Variants in PLXDC2 observed in about 807,000 individuals in gnomAD.
The protein encoded by PLXDC2 is plexin domain containing 2, also known as plexin domain-containing protein 2.
In PLXDC2, 40 loss-of-function variants were observed where a neutral mutation model predicts 68.9. That is an observed-to-expected ratio of 0.58 (90% CI 0.45 to 0.76). PLXDC2 has a LOEUF of 0.76. PLXDC2 is among the 30% of genes least tolerant of loss of function. The pLI, the probability that PLXDC2 is intolerant of heterozygous loss-of-function variation, is 0.00. For synonymous variants in PLXDC2, 243 were observed against 234.2 expected (o/e 1.04, Z -0.34); for missense variants, 644 against 661.9 (o/e 0.97, Z 0.30).
chr10:20,183,613 T>G (rs1834636707), intron 9 of PLXDC2, among the ~76,000 whole-genome samples: 1 of 151,958 alleles, frequency 6.6e-6, no homozygotes, highest in African/African-American at 2.4e-5. Context: ...AAACATAAGC[T>G]CTTCTAAGGA....
At chr10:19,840,163 A>G (rs1208290586) in intron 1 of PLXDC2, among the ~76,000 whole-genome samples, 2 of 152,148 alleles carry the variant, frequency 1.3e-5, no homozygotes, top group African/African-American at 2.4e-5. Context: ...TTTTGGATTG[A>G]CAGTTAATAT....
intron 4 of PLXDC2, among the ~76,000 whole-genome samples, chr10:20,137,794 T>A (rs1324697134): frequency 6.6e-6 from 1 of 152,240 alleles, no homozygotes; most frequent in Non-Finnish European, 1.5e-5. Context: ...TCGCACGTTC[T>A]CCCCATGTCT....
intron 6 of PLXDC2, among the ~76,000 whole-genome samples, chr10:20,149,665 T>C (rs1834126920): frequency 6.6e-6 from 1 of 152,142 alleles, no homozygotes; most frequent in African/African-American, 2.4e-5. Flanking sequence ...AGTGAGAACA[T>C]TTGGTATTTG....
intron 3 of PLXDC2, among the ~76,000 whole-genome samples, chr10:20,056,509 T>G (rs1478614750): frequency 2.0e-5 from 3 of 152,190 alleles, no homozygotes; most frequent in African/African-American, 7.2e-5. Flanking sequence ...CATAATTACA[T>G]AAATACATGC....
At chr10:20,210,779 C>A (rs1272251285) in intron 9 of PLXDC2, among the ~76,000 whole-genome samples, 2 of 152,128 alleles carry the variant, frequency 1.3e-5, no homozygotes, top group Admixed American at 1.3e-4. Context: ...GTTGTCTTCT[C>A]CCAGTGGAAT....
At position 20,068,950 on chromosome 10, in the gene PLXDC2, C is replaced by A. The variant is rs1036882766; in HGVS notation, c.541+711C>A. 1.1e-4 allele frequency among the ~76,000 whole-genome samples: 17 copies of A among 152,078 alleles called. 1 individual carries two copies. The highest frequency in any genetic ancestry group is 4.1e-4 in the African/African-American group (17 of 41,420). ...ATAAGGAAAATGCCAGGGAATATCC[C>A]TGTAGGCTTTATGATGCAGGGGTAG... is the stretch of plus-strand genomic sequence containing the variant. On this transcript the variant is annotated intron_variant, in intron 4 of 13. Coordinates refer to ENST00000377252, the MANE Select transcript of PLXDC2 (RefSeq NM_032812.9).
At chr10:19,914,886 G>T (rs1457530941) in intron 1 of PLXDC2, among the ~76,000 whole-genome samples, 1 of 152,180 alleles carries the variant, frequency 6.6e-6, no homozygotes, top group Non-Finnish European at 1.5e-5. Context: ...ATTTTCATTG[G>T]TCTGAAGTCT....
chr10:19,949,612 T>C (rs999325603), intron 1 of PLXDC2, among the ~76,000 whole-genome samples: 12 of 152,220 alleles, frequency 7.9e-5, no homozygotes, highest in African/African-American at 2.4e-4. Flanking sequence ...ATAAGAAATA[T>C]TCATTCCTTA....
chr10:20,264,286 A>T lies in PLXDC2; in HGVS notation c.1474-15417A>T, dbSNP rs1835844238. ...TGATAAGAACTTATGAACACAGAGA[A>T]GGAAACAATAGACACTGGGGTCTGC... On this transcript the variant is annotated intron_variant, in intron 13 of 13. Coordinates refer to ENST00000377252, the MANE Select transcript of PLXDC2 (RefSeq NM_032812.9). 2.0e-5 allele frequency among the ~76,000 whole-genome samples: 3 copies of T among 152,184 alleles called. No individual in the cohort carries two copies. The South Asian group carries it at 6.2e-4, about 31-fold the overall frequency.
intron 1 of PLXDC2, among the ~76,000 whole-genome samples, chr10:19,920,956 C>G (rs1412816877): frequency 6.6e-6 from 1 of 151,904 alleles, no homozygotes; most frequent in Non-Finnish European, 1.5e-5. Flanking sequence ...GAGAGAGGGT[C>G]TAGCTCTGTT....
intron 13 of PLXDC2, among the ~76,000 whole-genome samples, chr10:20,263,851 A>G (rs1471049257): frequency 6.6e-6 from 1 of 152,140 alleles, no homozygotes; most frequent in Non-Finnish European, 1.5e-5. Context: ...AATAAAGGGA[A>G]CCCTTTTTGC....
At chr10:20,083,408 C>T (rs1023320651) in intron 4 of PLXDC2, among the ~76,000 whole-genome samples, 10 of 145,962 alleles carry the variant, frequency 6.9e-5, no homozygotes, top group South Asian at 6.5e-4. Context: ...ACCCGGGAGG[C>T]GGAGCTTGCA....
intron 4 of PLXDC2, among the ~76,000 whole-genome samples, chr10:20,083,349 C>A (rs931487785): frequency 1.3e-5 from 2 of 151,864 alleles, no homozygotes; most frequent in Non-Finnish European, 2.9e-5. Context: ...AGGTGGCATG[C>A]GCCTGTAGTC....
At chr10:19,993,827 C>A (rs574377363) in intron 1 of PLXDC2, among the ~76,000 whole-genome samples, 2 of 152,254 alleles carry the variant, frequency 1.3e-5, no homozygotes, top group South Asian at 4.1e-4. Flanking sequence ...AAACATTACC[C>A]TACAATGGCC....
chr10:19,834,020 G>A lies in PLXDC2; in HGVS notation c.112+16829G>A, dbSNP rs367776872. Among the ~76,000 whole-genome samples, 4 of 151,816 alleles carry A rather than the reference G, an allele frequency of 2.6e-5. No individual in the cohort carries two copies. The East Asian group carries it at 7.8e-4, about 29-fold the overall frequency. Reference sequence around the variant, plus strand: ...GGTTGAGTCTAGCCCTAAACATATGGGCAATAGAAGTGGACGTCTTCATGG... The same window carrying A: ...GGTTGAGTCTAGCCCTAAACATATGAGCAATAGAAGTGGACGTCTTCATGG... On this transcript the variant is annotated intron_variant, in intron 1 of 13. Transcript: ENST00000377252.
intron 1 of PLXDC2, among the ~76,000 whole-genome samples, chr10:19,904,738 C>G (rs1309468915): frequency 6.6e-6 from 1 of 152,176 alleles, no homozygotes; most frequent in Non-Finnish European, 1.5e-5. Flanking sequence ...CTCTGTCTGT[C>G]CAAGCAGGAG....
chr10:19,880,369 G>C (rs1034885398), intron 1 of PLXDC2, among the ~76,000 whole-genome samples: 4 of 152,172 alleles, frequency 2.6e-5, no homozygotes, highest in African/African-American at 9.7e-5. Flanking sequence ...GTACATACAT[G>C]CCTATGATGA....
intron 4 of PLXDC2, among the ~76,000 whole-genome samples, chr10:20,128,706 T>A (rs979329876): frequency 4.6e-5 from 7 of 152,192 alleles, no homozygotes; most frequent in Non-Finnish European, 1.0e-4. Flanking sequence ...TCTCTGATTC[T>A]ATGAGTCTAA....
rs1835130488 is a variant in PLXDC2 at position 20,012,307 on chromosome 10, T to TG, written c.324+10321_324+10322insG. On this transcript the variant is annotated intron_variant, in intron 2 of 13. Transcript: ENST00000377252. ...AGAGTCTCTCTCTCTCTCTCTCTTT[T>TG]TTATTTTTTTTTTTTTTTTTTTTTT... Among the ~76,000 whole-genome samples the TG allele has an allele frequency of 1.8e-4, 2 of 11,262 alleles. 1 individual carries two copies. The highest frequency in any genetic ancestry group is 8.3e-3 in the South Asian group (2 of 242). 7.4% of individuals were successfully genotyped at this position (11,262 alleles called of 152,430 possible). A position where few individuals can be genotyped will look rare whatever the true frequency, so the allele number is the denominator to read the frequency against.
Sources: allele counts gnomAD v4.1 joint callset (sites outside exome capture counted in the v4.1 genomes callset), GRCh38; gene constraint gnomAD v4.1.1; transcripts MANE v1.5; gene names NCBI Gene and HGNC (gene_info 2026-07-23, HGNC 2026-07-21).